SVIL: variants seen among roughly 807,000 people sequenced by gnomAD.
SVIL encodes archvillin.
Under a neutral mutation model 240.4 loss-of-function variants are expected in SVIL, and 101 were observed. That is an observed-to-expected ratio of 0.42 (90% CI 0.36 to 0.50). The LOEUF is 0.50. Among genes scored for constraint, SVIL ranks in the 20% least tolerant of loss-of-function variants. SVIL has a pLI of 0.01. For synonymous variants in SVIL, 999 were observed against 1,100.0 expected (o/e 0.91, Z 1.82); for missense variants, 2,512 against 2,818.7 (o/e 0.89, Z 2.46).
intron 2 of SVIL, among the ~76,000 whole-genome samples, chr10:29,682,660 C>T (rs913112169): frequency 3.9e-5 from 6 of 152,130 alleles, no homozygotes; most frequent in Non-Finnish European, 8.8e-5. Flanking sequence ...AACATTTCTG[C>T]CTGGAATTAG....
chr10:29,728,671 T>G (rs937840085), intron 1 of SVIL, among the ~76,000 whole-genome samples: 1 of 152,044 alleles, frequency 6.6e-6, no homozygotes, highest in African/African-American at 2.4e-5. Context: ...AACAAAGCCA[T>G]GTATTGGAAA....
chr10:29,702,892 C>T (rs1962626408), intron 1 of SVIL, among the ~76,000 whole-genome samples: 1 of 152,138 alleles, frequency 6.6e-6, no homozygotes, highest in South Asian at 2.1e-4. Flanking sequence ...AGGGTAGAAT[C>T]GTACTGATCT....
chr10:29,577,629 G>A (rs1437084269), intron 1 of SVIL, among the ~76,000 whole-genome samples: 1 of 152,100 alleles, frequency 6.6e-6, no homozygotes, highest in Non-Finnish European at 1.5e-5. Flanking sequence ...ATTGTGAATT[G>A]TGCTGCTATA....
intron 6 of SVIL, among the ~76,000 whole-genome samples, chr10:29,541,437 A>C (rs1412071583): frequency 6.6e-6 from 1 of 152,168 alleles, no homozygotes; most frequent in Non-Finnish European, 1.5e-5. Context: ...ATTTGATGTA[A>C]ATTATACCTC....
At chr10:29,470,551 T>G in intron 31 of SVIL, 68 bp from the exon 32 acceptor site, 2 of 1,569,354 alleles carry the variant, frequency 1.3e-6, no homozygotes, top group Non-Finnish European at 1.7e-6. Context: ...CGGCCCTTCC[T>G]AGTGTCCGCT....
intron 1 of SVIL, among the ~76,000 whole-genome samples, chr10:29,703,299 G>T (rs146392147): frequency 2.0e-5 from 3 of 152,094 alleles, no homozygotes; most frequent in African/African-American, 7.2e-5. Context: ...AGGGTGAAAC[G>T]CCAGATGCTG....
chr10:29,711,765 G>GA lies in SVIL; in HGVS notation c.-400+23985dup, dbSNP rs144570094. 227 of 138,930 alleles carry GA rather than the reference G, an allele frequency of 1.6e-3. 1 individual carries two copies. The highest frequency in any genetic ancestry group is 8.6e-3 in the South Asian group (38 of 4,436). 8.6% of individuals were successfully genotyped at this position (138,930 alleles called of 1,614,324 possible). On this transcript the variant is annotated intron_variant, in intron 1 of 35. Coordinates refer to the SVIL transcript ENST00000375400. ...ACACAAAGTGAGACTCTGTCTCAAGGAAAAAAAAAAAAAGTGCCATGATTT... is the reference window on the plus strand; with the variant it reads ...ACACAAAGTGAGACTCTGTCTCAAGGAAAAAAAAAAAAAAGTGCCATGATTT...
At position 29,554,458 on chromosome 10, in the gene SVIL, C is replaced by T. The variant is rs1206503004; in HGVS notation, c.160+325G>A. Among the ~76,000 whole-genome samples the T allele has an allele frequency of 3.3e-5, 5 of 152,042 alleles. No individual in the cohort carries two copies. The East Asian group carries it at 9.7e-4, about 29-fold the overall frequency. ...GCCAGAAGTTCGAGACCAGCCTGGG[C>T]AACAGTGAGACTCTGTCTCTACAAA... On this transcript the variant is annotated intron_variant, in intron 5 of 37. Transcript: ENST00000355867.
upstream of SVIL, chr10:29,736,856 C>G (rs935936205): frequency 1.3e-5 from 2 of 152,276 alleles, no homozygotes; most frequent in African/African-American, 4.8e-5. Context: ...CCACTGTCGC[C>G]GTCGCCGCCG....
At chr10:29,549,807 G>A (rs1415310396) in intron 6 of SVIL, among the ~76,000 whole-genome samples, 1 of 136,794 alleles carries the variant, frequency 7.3e-6, no homozygotes, top group African/African-American at 2.8e-5. Context: ...TCACTCATAG[G>A]TGGGAATTGA....
chr10:29,720,713 G>A (rs531270264), intron 1 of SVIL, among the ~76,000 whole-genome samples: 1 of 152,288 alleles, frequency 6.6e-6, no homozygotes, highest in East Asian at 1.9e-4. Flanking sequence ...AATCACATAT[G>A]TAAAAGTAAA....
intron 17 of SVIL, 81 bp from the exon 18 acceptor site, chr10:29,499,344 G>T: frequency 6.4e-7 from 1 of 1,557,350 alleles, no homozygotes; most frequent in African/African-American, 1.4e-5. Flanking sequence ...TTTCATGAGT[G>T]AAAAAAGCAG....
chr10:29,486,347 G>T (rs1947401425), intron 25 of SVIL, 63 bp downstream of exon 25: 2 of 1,601,016 alleles, frequency 1.2e-6, no homozygotes, highest in Non-Finnish European at 1.7e-6. Flanking sequence ...ATAGAAGAAT[G>T]AGCTAAGGGA....
At chr10:29,625,989 T>C (rs947748638) in intron 1 of SVIL, among the ~76,000 whole-genome samples, 1 of 152,082 alleles carries the variant, frequency 6.6e-6, no homozygotes, top group African/African-American at 2.4e-5. Context: ...TGTTTTGATA[T>C]AAAAGCTGAA....
chr10:29,683,304 C>A (rs982413097), intron 2 of SVIL, among the ~76,000 whole-genome samples: 43 of 152,086 alleles, frequency 2.8e-4, no homozygotes, highest in African/African-American at 9.9e-4. Flanking sequence ...ATTGTGGAGA[C>A]CAGGGTGTTA....
chr10:29,703,546 C>T (rs545649858), intron 1 of SVIL, among the ~76,000 whole-genome samples: 16 of 152,334 alleles, frequency 1.1e-4, no homozygotes, highest in South Asian at 4.1e-4. Context: ...TGCACGCCAG[C>T]AGCCCCTGTG....
At chr10:29,700,766 C>A (rs1346338096) in intron 1 of SVIL, among the ~76,000 whole-genome samples, 2 of 152,148 alleles carry the variant, frequency 1.3e-5, no homozygotes, top group Non-Finnish European at 2.9e-5. Flanking sequence ...AGTCACTGCG[C>A]CTGGCCACTA....
chr10:29,499,141 A>G lies in SVIL; in HGVS notation c.3639T>C (p.Thr1213=), dbSNP rs140209263. 3.1e-5 allele frequency: 50 copies of G among 1,612,460 alleles called. No homozygotes were observed. Among genetic ancestry groups the G allele is most frequent in the Non-Finnish European group, 4.2e-5 (50 of 1,179,966 alleles). Residue 1213 remains threonine, a synonymous_variant, in exon 18 of 38, where the codon ACT becomes ACC. Coordinates refer to ENST00000355867, the MANE Select transcript of SVIL (RefSeq NM_021738.3). ...CTTTCTTCACCATCCTGCCAGCCAC[A>G]GTGAACTGGGTCGAGTCGTTGGCCG... is the stretch of plus-strand genomic sequence containing the variant. ...RGAANDSTQF[T]VAGRMVKKGL...
At chr10:29,566,127 C>T (rs1954942679) in intron 2 of SVIL, among the ~76,000 whole-genome samples, 1 of 152,096 alleles carries the variant, frequency 6.6e-6, no homozygotes, top group Admixed American at 6.6e-5. Context: ...TCCTCCCTCC[C>T]TTCCTTATCA....
Sources: gnomAD v4.1 joint callset for allele counts (sites outside exome capture counted in the v4.1 genomes callset) on GRCh38, gnomAD v4.1.1 for gene constraint, MANE v1.5 for transcripts, NCBI Gene and HGNC (gene_info 2026-07-23, HGNC 2026-07-21) for gene names.